The following SDC4 variants were observed in gnomAD, a reference collection of about 807,000 sequenced individuals.
SDC4 encodes the protein syndecan-4.
Under a neutral mutation model 20.5 loss-of-function variants are expected in SDC4, and 17 were observed. That is an observed-to-expected ratio of 0.83 (90% CI 0.57 to 1.25). SDC4 has a LOEUF of 1.25. Ranked by LOEUF, SDC4 falls within the 50% of genes most tolerant of loss-of-function variation. The probability of loss-of-function intolerance (pLI) is 0.00; values close to 1 mark genes in which losing one functional copy is unlikely to be tolerated. For synonymous variants in SDC4, 107 were observed against 105.3 expected (o/e 1.02, Z -0.10); for missense variants, 241 against 252.3 (o/e 0.96, Z 0.30).
chr20:45,345,445 C>T (rs1988018637), intron 1 of SDC4: 1 of 152,160 alleles, frequency 6.6e-6, no homozygotes, highest in East Asian at 1.9e-4. Context: ...CTCATGGAAC[C>T]CTCCAAATCA....
At chr20:45,327,910 C>T (rs1019818116) in intron 4 of SDC4, among the ~76,000 whole-genome samples, 13 of 152,244 alleles carry the variant, frequency 8.5e-5, no homozygotes, top group African/African-American at 2.9e-4. Context: ...GCTGGGATTA[C>T]AGGCGTGAGC....
At chr20:45,335,635 G>A in intron 2 of SDC4, 147 bp downstream of exon 2, 1 of 809,290 alleles carries the variant, frequency 1.2e-6, no homozygotes, top group Non-Finnish European at 1.9e-6. Flanking sequence ...CATTACTTTT[G>A]TTTCCCCTTT....
intron 1 of SDC4, 23 bp downstream of exon 1, chr20:45,348,302 C>G (rs1245484360): frequency 6.4e-7 from 1 of 1,569,738 alleles, no homozygotes; most frequent in Non-Finnish European, 8.6e-7. Context: ...TCGCCCCCAG[C>G]CCGGGAACCT....
chr20:45,348,210 G>T (rs1477211395), intron 1 of SDC4, 115 bp downstream of exon 1: 2 of 1,004,046 alleles, frequency 2.0e-6, no homozygotes, highest in Non-Finnish European at 3.0e-6. Context: ...TCGGTGTCCG[G>T]TTGGGGGTAG....
At chr20:45,341,658 G>A (rs2743384) in intron 1 of SDC4, among the ~76,000 whole-genome samples, 1 of 152,298 alleles carries the variant, frequency 6.6e-6, no homozygotes, top group South Asian at 2.1e-4. Flanking sequence ...TGGGGGTGGA[G>A]TGAGGGTTCA....
In SDC4 at chr20:45,325,630, C is replaced by T. The variant is rs1292320597; in HGVS notation, c.*1634G>A. On this transcript the variant is annotated 3_prime_UTR_variant, in exon 5 of 5. Coordinates refer to ENST00000372733, the MANE Select transcript of SDC4 (RefSeq NM_002999.4). Reference sequence around the variant, plus strand: ...GCCTCATCAGCCCTCCCCCATTCCCCCCCCCCTACCCAGGGAGACAAGGGT... The same window carrying T: ...GCCTCATCAGCCCTCCCCCATTCCCTCCCCCCTACCCAGGGAGACAAGGGT... 1 of 84,666 alleles carries T rather than the reference C, an allele frequency of 1.2e-5. No individual in the cohort carries two copies. The highest frequency in any genetic ancestry group is 2.3e-5 in the Non-Finnish European group (1 of 42,998). The allele number at this position is 84,666 out of a possible 1,614,324, so 5.2% of individuals were successfully genotyped here.
intron 4 of SDC4, 66 bp from the exon 5 acceptor site, chr20:45,327,481 T>A: frequency 6.6e-7 from 1 of 1,517,278 alleles, no homozygotes; most frequent in South Asian, 1.2e-5. Flanking sequence ...GATGAACCCC[T>A]CTTTCCCCCA....
intron 3 of SDC4, among the ~76,000 whole-genome samples, chr20:45,332,003 A>T (rs1214531353): frequency 6.6e-6 from 1 of 152,214 alleles, no homozygotes; most frequent in Non-Finnish European, 1.5e-5. Flanking sequence ...TTATAATTTT[A>T]AAATGTTAAC....
At chr20:45,346,583 C>T (rs1988035465) in intron 1 of SDC4, among the ~76,000 whole-genome samples, 2 of 152,194 alleles carry the variant, frequency 1.3e-5, no homozygotes, top group African/African-American at 4.8e-5. Flanking sequence ...CCTCCTGGGT[C>T]CTTTCCTCTT....
intron 2 of SDC4, among the ~76,000 whole-genome samples, chr20:45,335,319 T>C (rs1464818313): frequency 6.6e-6 from 1 of 152,084 alleles, no homozygotes; most frequent in Non-Finnish European, 1.5e-5. Flanking sequence ...CTGGGACTCC[T>C]ACAGGTGCAT....
intron 1 of SDC4, among the ~76,000 whole-genome samples, chr20:45,343,876 G>A (rs144145775): frequency 1.5e-3 from 226 of 152,314 alleles, no homozygotes; most frequent in African/African-American, 5.2e-3. Context: ...TCGCCACACC[G>A]GTATCATGAT....
chr20:45,327,791 G>A (rs897414356), intron 4 of SDC4, among the ~76,000 whole-genome samples: 25 of 152,158 alleles, frequency 1.6e-4, no homozygotes, highest in Admixed American at 1.6e-3. Context: ...TTATAGGCAC[G>A]TGCCACCATG....
In SDC4 at chr20:45,346,431, GAC is replaced by G. The variant is rs1483906053; in HGVS notation, c.60+1892_60+1893del. ...GCTGATGGGTCACCCAGGCAGGACT[GAC>G]ACAGTCCCCTTCCCCCAAACTACAT... On this transcript the variant is annotated intron_variant, in intron 1 of 4. Transcript: ENST00000372733. 3.9e-5 allele frequency among the ~76,000 whole-genome samples: 6 copies of G among 152,316 alleles called. No homozygotes were observed. In the South Asian group the frequency reaches 6.2e-4, roughly 16 times the overall value.
intron 4 of SDC4, among the ~76,000 whole-genome samples, chr20:45,328,262 C>T (rs1480566600): frequency 6.6e-6 from 1 of 152,198 alleles, no homozygotes; most frequent in African/African-American, 2.4e-5. Flanking sequence ...GGTTTCCACT[C>T]CTACCTCTCC....
chr20:45,339,694 C>T (rs55976080), intron 1 of SDC4, among the ~76,000 whole-genome samples: 2,715 of 152,244 alleles, frequency 0.018, 91 homozygotes, highest in African/African-American at 0.06. Context: ...GAGCTACGAT[C>T]GTGCCACTGC....
At chr20:45,329,769 C>A (rs541154664) in intron 4 of SDC4, among the ~76,000 whole-genome samples, 29 of 140,890 alleles carry the variant, frequency 2.1e-4, no homozygotes, top group Admixed American at 3.4e-4. Context: ...AAGCATTCCT[C>A]ACCGCACATT....
intron 1 of SDC4, 73 bp from the exon 2 acceptor site, chr20:45,335,993 G>A (rs1987859410): frequency 2.6e-6 from 4 of 1,520,968 alleles, no homozygotes; most frequent in South Asian, 1.2e-5. Flanking sequence ...AAAAGCTAGT[G>A]AAGTGGGCAT....
intron 3 of SDC4, among the ~76,000 whole-genome samples, chr20:45,332,537 T>C (rs1048374585): frequency 6.6e-6 from 1 of 152,162 alleles, no homozygotes; most frequent in African/African-American, 2.4e-5. Flanking sequence ...ACGGTGACTA[T>C]CCCTGCAGGG....
chr20:45,339,156 T>C (rs1371685473), intron 1 of SDC4, among the ~76,000 whole-genome samples: 1 of 152,216 alleles, frequency 6.6e-6, no homozygotes, highest in Non-Finnish European at 1.5e-5. Context: ...GCAATCACTC[T>C]TTTTTGTGTA....
Sources: gnomAD v4.1 joint callset for allele counts (sites outside exome capture counted in the v4.1 genomes callset) on GRCh38, gnomAD v4.1.1 for gene constraint, MANE v1.5 for transcripts, NCBI Gene and HGNC (gene_info 2026-07-23, HGNC 2026-07-21) for gene names.